The following ASIC2 variants were observed in gnomAD, a reference collection of about 807,000 sequenced individuals.
The protein encoded by ASIC2 is acid-sensing ion channel 2.
In ASIC2, 25 loss-of-function variants were observed where a neutral mutation model predicts 57.3. The observed-to-expected ratio is 0.44, with a 90% CI of 0.32 to 0.61. The LOEUF (loss-of-function observed/expected upper bound fraction) is 0.61. ASIC2 is among the 20% of genes least tolerant of loss of function. The pLI is 0.06. For synonymous variants in ASIC2, 319 were observed against 307.5 expected (o/e 1.04, Z -0.39); for missense variants, 641 against 738.1 (o/e 0.87, Z 1.52).
At chr17:33,688,336 G>A (rs560927242) in intron 1 of ASIC2, among the ~76,000 whole-genome samples, 1 of 152,238 alleles carries the variant, frequency 6.6e-6, no homozygotes, top group Admixed American at 6.5e-5. Context: ...TCAATTGCAA[G>A]GTGTGTTACA....
intron 1 of ASIC2, among the ~76,000 whole-genome samples, chr17:33,959,589 G>A (rs1331860455): frequency 6.6e-6 from 1 of 152,200 alleles, no homozygotes; most frequent in East Asian, 1.9e-4. Context: ...GAGTCCAAAA[G>A]CTGAAGAACT....
intron 1 of ASIC2, among the ~76,000 whole-genome samples, chr17:33,151,794 A>T (rs2098690148): frequency 6.6e-6 from 1 of 152,140 alleles, no homozygotes; most frequent in African/African-American, 2.4e-5. Flanking sequence ...TCGACCTTGG[A>T]CTTCCCAGCC....
Position 33,676,039 on chromosome 17 carries a change from T to C in ASIC2, c.555+479939A>G, listed in dbSNP as rs1176393905. ...GTAATTCTTGCAATATTTCAAACTTTCTTATTATTACTGTGTCTGATATGA... is the reference window on the plus strand; with the variant it reads ...GTAATTCTTGCAATATTTCAAACTTCCTTATTATTACTGTGTCTGATATGA... On this transcript the variant is annotated intron_variant, in intron 1 of 9. Transcript: ENST00000359872. Among the ~76,000 whole-genome samples, 5 of 152,354 alleles carry C rather than the reference T, an allele frequency of 3.3e-5. No homozygotes were observed. In the South Asian group the frequency reaches 1.0e-3, roughly 32 times the overall value.
chr17:33,282,483 G>GCT (rs757975117), intron 1 of ASIC2, among the ~76,000 whole-genome samples: 1 of 151,122 alleles, frequency 6.6e-6, no homozygotes, highest in African/African-American at 2.4e-5. Flanking sequence ...GTGCTTGTGT[G>GCT]TGTGTGTGTG....
intron 1 of ASIC2, among the ~76,000 whole-genome samples, chr17:33,530,986 C>A (rs1003034944): frequency 6.6e-5 from 10 of 151,044 alleles, no homozygotes; most frequent in African/African-American, 2.4e-4. Context: ...ATAAGCAGAG[C>A]CTTAAATAAG....
intron 1 of ASIC2, among the ~76,000 whole-genome samples, chr17:33,408,080 G>A (rs997537330): frequency 1.3e-5 from 2 of 152,138 alleles, no homozygotes; most frequent in African/African-American, 4.8e-5. Context: ...ACAGCCTTGG[G>A]GAATGACTTC....
intron 1 of ASIC2, among the ~76,000 whole-genome samples, chr17:33,464,481 TCTCTTTCTTTCTTTC>T: frequency 1.5e-5 from 1 of 66,694 alleles, no homozygotes; most frequent in African/African-American, 6.8e-5. Context: ...CTTTCTTTTC[TCTCTTTCTTTCTTTC>T]TTTCTTTCTT....
chr17:33,627,803 G>A (rs954815227), intron 1 of ASIC2, among the ~76,000 whole-genome samples: 4 of 152,154 alleles, frequency 2.6e-5, no homozygotes, highest in Admixed American at 6.5e-5. Context: ...AGCCTCAGCC[G>A]CTGAGCTGGC....
rs907644234 is a variant in ASIC2 at position 33,346,219 on chromosome 17, TC to T, written c.556-234153del. On this transcript the variant is annotated intron_variant, in intron 1 of 9. Transcript: ENST00000359872. ...TCCAGCCTGGGTGACAGAGAGAGAT[TC>T]CCTCTCAAAAAAAAAAAAAAAAAAA... Among the ~76,000 whole-genome samples the T allele has an allele frequency of 1.9e-4, 17 of 88,592 alleles. 1 individual carries two copies. Among genetic ancestry groups the T allele is most frequent in the Non-Finnish European group, 5.9e-5 (3 of 50,574 alleles). The allele number at this position is 88,592 out of a possible 152,430, so 58.1% of individuals were successfully genotyped here. A position where few individuals can be genotyped will look rare whatever the true frequency, so the allele number is the denominator to read the frequency against.
At chr17:33,934,616 A>G (rs1286143594) in intron 1 of ASIC2, among the ~76,000 whole-genome samples, 1 of 152,188 alleles carries the variant, frequency 6.6e-6, no homozygotes. Context: ...AGGCAAGGCC[A>G]ATGCTGCCAA....
At position 33,209,907 on chromosome 17, in the gene ASIC2, A is replaced by G. The variant is rs1907208062; in HGVS notation, c.708+81501T>C. Reference sequence around the variant, plus strand: ...AGTCACAGCTCTGGTGTAATTATTCACCTGGCTTCCCATAAACTATGTCCA... The same window carrying G: ...AGTCACAGCTCTGGTGTAATTATTCGCCTGGCTTCCCATAAACTATGTCCA... On this transcript the variant is annotated intron_variant, in intron 1 of 9. Transcript: ENST00000225823. 2.0e-5 allele frequency among the ~76,000 whole-genome samples: 3 copies of G among 152,088 alleles called. No homozygotes were observed. In the South Asian group the frequency reaches 6.2e-4, roughly 32 times the overall value.
At chr17:33,353,751 A>T (rs1908270752) in intron 1 of ASIC2, among the ~76,000 whole-genome samples, 1 of 152,108 alleles carries the variant, frequency 6.6e-6, no homozygotes, top group South Asian at 2.1e-4. Context: ...AACCATTTTT[A>T]TGATCCTCAG....
At chr17:33,787,787 T>G (rs1911651562) in intron 1 of ASIC2, among the ~76,000 whole-genome samples, 1 of 152,212 alleles carries the variant, frequency 6.6e-6, no homozygotes, top group African/African-American at 2.4e-5. Context: ...CCAAATCGCA[T>G]GTTCAATTGT....
At chr17:33,476,775 G>T (rs139098512) in intron 1 of ASIC2, among the ~76,000 whole-genome samples, 1 of 151,916 alleles carries the variant, frequency 6.6e-6, no homozygotes, top group Non-Finnish European at 1.5e-5. Context: ...ATTTTCTCCC[G>T]AAGGACTGTG....
intron 6 of ASIC2, among the ~76,000 whole-genome samples, chr17:33,022,732 C>T (rs2091841775): frequency 6.6e-6 from 1 of 152,114 alleles, no homozygotes; most frequent in Non-Finnish European, 1.5e-5. Context: ...TGGCAGACAA[C>T]AGAGAACAAA....
chr17:33,437,993 A>G (rs1481562319), intron 1 of ASIC2, among the ~76,000 whole-genome samples: 1 of 152,082 alleles, frequency 6.6e-6, no homozygotes, highest in Non-Finnish European at 1.5e-5. Flanking sequence ...ATAAAATATA[A>G]CTTGTCCCTG....
intron 1 of ASIC2, among the ~76,000 whole-genome samples, chr17:33,548,816 C>T (rs1406311979): frequency 6.6e-6 from 1 of 152,090 alleles, no homozygotes; most frequent in Non-Finnish European, 1.5e-5. Flanking sequence ...TTTACACTTG[C>T]CATTTTCTCA....
At chr17:33,368,924 T>A (rs1160824833) in intron 1 of ASIC2, among the ~76,000 whole-genome samples, 1 of 152,180 alleles carries the variant, frequency 6.6e-6, no homozygotes, top group East Asian at 1.9e-4. Flanking sequence ...GCAATGTCCT[T>A]GTTGGGAACC....
intron 1 of ASIC2, among the ~76,000 whole-genome samples, chr17:33,197,859 A>T (rs1906698775): frequency 6.6e-6 from 1 of 152,180 alleles, no homozygotes; most frequent in South Asian, 2.1e-4. Flanking sequence ...TTCAAGCAGA[A>T]TGATAGAATG....
Sources: allele counts gnomAD v4.1 joint callset (sites outside exome capture counted in the v4.1 genomes callset), GRCh38; gene constraint gnomAD v4.1.1; transcripts MANE v1.5; gene names NCBI Gene and HGNC (gene_info 2026-07-23, HGNC 2026-07-21).